Variants in SLC24A2 observed in about 807,000 individuals in gnomAD.
SLC24A2 encodes the protein sodium/potassium/calcium exchanger 2.
In SLC24A2, 36 loss-of-function variants were observed where a neutral mutation model predicts 62.0. The observed-to-expected ratio is 0.58, with a 90% confidence interval of 0.44 to 0.77. The LOEUF is 0.77. Ranked by LOEUF, SLC24A2 falls within the 30% of genes least tolerant of loss-of-function variation. The probability of loss-of-function intolerance (pLI) is 0.00; values close to 1 mark genes in which losing one functional copy is unlikely to be tolerated. For synonymous variants in SLC24A2, 358 were observed against 294.0 expected (o/e 1.22, Z -2.23); for missense variants, 846 against 817.9 (o/e 1.03, Z -0.42).
intron 7 of SLC24A2, among the ~76,000 whole-genome samples, chr9:19,553,344 G>A (rs1164753454): frequency 6.6e-6 from 1 of 152,174 alleles, no homozygotes; most frequent in Admixed American, 6.5e-5. Context: ...TTGACCTTGT[G>A]ACAACTCACC....
chr9:19,517,910 A>AACACACACACAC (rs56840950), intron 10 of SLC24A2, among the ~76,000 whole-genome samples: 15 of 131,620 alleles, frequency 1.1e-4, no homozygotes, highest in African/African-American at 2.0e-4. Flanking sequence ...TTCTTATTAA[A>AACACACACACAC]ACACACACAC....
At chr9:19,853,071 T>C in the SLC24A2 span, among the ~76,000 whole-genome samples, 1 of 152,312 alleles carries the variant, frequency 6.6e-6, no homozygotes, top group East Asian at 1.9e-4. Flanking sequence ...TTATTCTCTT[T>C]GTAGCAATTG....
At chr9:20,221,445 C>G in the SLC24A2 span, among the ~76,000 whole-genome samples, 1 of 151,724 alleles carries the variant, frequency 6.6e-6, no homozygotes. Context: ...ATAAAACAAA[C>G]AAACAAGACT....
intron 2 of SLC24A2, among the ~76,000 whole-genome samples, chr9:19,711,911 G>T (rs1820726045): frequency 6.6e-6 from 1 of 152,094 alleles, no homozygotes; most frequent in Non-Finnish European, 1.5e-5. Context: ...AACCCAAAAG[G>T]ACTTCAGGAT....
rs552503797 is a variant in SLC24A2 at position 19,514,831 on chromosome 9, C to T, written c.*1322G>A. The T allele has an allele frequency of 6.6e-6, 1 of 152,318 alleles. No individual in the cohort carries two copies. The highest frequency in any genetic ancestry group is 2.4e-5 in the African/African-American group (1 of 41,566). The allele number at this position is 152,318 out of a possible 1,614,324, so 9.4% of individuals were successfully genotyped here. A position where few individuals can be genotyped will look rare whatever the true frequency, so the allele number is the denominator to read the frequency against. On this transcript the variant is annotated 3_prime_UTR_variant, in exon 11 of 11. Transcript: ENST00000341998. ...CACTCAGAAACCTTCCTGGGGTGCA[C>T]TGAGTGTGCAAATGCCTTTCCAAGC...
chr9:20,118,023 A>C, the SLC24A2 span, among the ~76,000 whole-genome samples: 1 of 152,098 alleles, frequency 6.6e-6, no homozygotes, highest in Admixed American at 6.6e-5. Flanking sequence ...AACTATGAGC[A>C]CATCTTTATA....
chr9:20,231,230 C>A, the SLC24A2 span, among the ~76,000 whole-genome samples: 1 of 151,836 alleles, frequency 6.6e-6, no homozygotes, highest in African/African-American at 2.4e-5. Context: ...CTTTTTTGGT[C>A]CCATATGAAC....
At chr9:20,216,702 G>C in the SLC24A2 span, among the ~76,000 whole-genome samples, 1 of 152,096 alleles carries the variant, frequency 6.6e-6, no homozygotes, top group Non-Finnish European at 1.5e-5. Context: ...TAGTATCAAT[G>C]AACAGAAAGC....
intron 7 of SLC24A2, among the ~76,000 whole-genome samples, chr9:19,566,946 A>T (rs551336437): frequency 1.9e-4 from 27 of 139,430 alleles, no homozygotes; most frequent in African/African-American, 7.1e-4. Flanking sequence ...AACATCACAC[A>T]CCGGGGCCTG....
At chr9:19,646,273 T>C (rs147623049) in intron 2 of SLC24A2, among the ~76,000 whole-genome samples, 15 of 152,338 alleles carry the variant, frequency 9.8e-5, no homozygotes, top group African/African-American at 3.6e-4. Context: ...TTCTTGCTTG[T>C]TTGTAGACTC....
the SLC24A2 span, among the ~76,000 whole-genome samples, chr9:20,248,819 TCTCCGG>T: frequency 6.6e-6 from 1 of 152,200 alleles, no homozygotes; most frequent in African/African-American, 2.4e-5. Context: ...AGCATTTACT[TCTCCGG>T]GGCACCCACA....
At chr9:20,222,450 G>C in the SLC24A2 span, among the ~76,000 whole-genome samples, 1 of 151,980 alleles carries the variant, frequency 6.6e-6, no homozygotes, top group Admixed American at 6.6e-5. Flanking sequence ...TTTTGTTTTG[G>C]TATCCCATCT....
At chr9:19,964,048 G>A in the SLC24A2 span, among the ~76,000 whole-genome samples, 1 of 151,948 alleles carries the variant, frequency 6.6e-6, no homozygotes, top group Non-Finnish European at 1.5e-5. Context: ...CATAAAAAAT[G>A]ATGAGTTCAT....
the SLC24A2 span, among the ~76,000 whole-genome samples, chr9:20,016,814 G>C: frequency 6.6e-5 from 10 of 152,158 alleles, no homozygotes; most frequent in African/African-American, 2.4e-4. Context: ...CTCTGAAGAG[G>C]AGAGTGAAAC....
the SLC24A2 span, among the ~76,000 whole-genome samples, chr9:20,230,915 G>A: frequency 3.3e-5 from 5 of 152,274 alleles, no homozygotes; most frequent in East Asian, 1.9e-4. Context: ...TTTGCATAAC[G>A]TGTAAGGAAG....
chr9:19,909,172 G>A, the SLC24A2 span, among the ~76,000 whole-genome samples: 16 of 152,272 alleles, frequency 1.1e-4, no homozygotes, highest in African/African-American at 3.6e-4. Flanking sequence ...ATGAGTTCAC[G>A]TCCTTTGTAG....
intron 7 of SLC24A2, among the ~76,000 whole-genome samples, chr9:19,555,125 A>T (rs1455805206): frequency 1.3e-5 from 2 of 152,164 alleles, no homozygotes; most frequent in East Asian, 3.9e-4. Flanking sequence ...ACTTCACATC[A>T]CAATATGTTC....
the SLC24A2 span, among the ~76,000 whole-genome samples, chr9:20,263,887 A>T: frequency 3.2e-5 from 2 of 62,082 alleles, no homozygotes; most frequent in Admixed American, 2.3e-4. Context: ...TAAGGCTCTA[A>T]CACAATGAAG....
At chr9:20,083,170 G>C in the SLC24A2 span, among the ~76,000 whole-genome samples, 1 of 152,222 alleles carries the variant, frequency 6.6e-6, no homozygotes, top group Non-Finnish European at 1.5e-5. Context: ...TGTGATTGGA[G>C]TACATATACT....
Sources: gnomAD v4.1 joint callset for allele counts (sites outside exome capture counted in the v4.1 genomes callset) on GRCh38, gnomAD v4.1.1 for gene constraint, MANE v1.5 for transcripts, NCBI Gene and HGNC (gene_info 2026-07-23, HGNC 2026-07-21) for gene names.